The following ZBTB20 variants were observed in gnomAD, a reference collection of about 807,000 sequenced individuals.
ZBTB20 encodes the protein zinc finger and BTB domain-containing protein 20.
ZBTB20 carries 9 observed loss-of-function variants against 56.9 expected under a neutral mutation model. That is an observed-to-expected ratio of 0.16 (90% CI 0.10 to 0.28). The LOEUF is 0.28. ZBTB20 is among the 10% of genes least tolerant of loss of function. The pLI, the probability that ZBTB20 is intolerant of heterozygous loss-of-function variation, is 1.00. For synonymous variants in ZBTB20, 417 were observed against 420.7 expected, an observed-to-expected ratio of 0.99 and a Z score of 0.11; for missense variants, 655 against 1,003.0, an observed-to-expected ratio of 0.65 and a Z score of 4.69.
At chr3:114,481,724 G>C (rs941073286) in intron 7 of ZBTB20, among the ~76,000 whole-genome samples, 10 of 152,192 alleles carry the variant, frequency 6.6e-5, no homozygotes, top group African/African-American at 2.4e-4. Context: ...GACTCTTTTA[G>C]GTGAAGGACT....
At chr3:114,835,424 C>T (rs2074069867) in intron 4 of ZBTB20, among the ~76,000 whole-genome samples, 1 of 151,806 alleles carries the variant, frequency 6.6e-6, no homozygotes, top group Non-Finnish European at 1.5e-5. Context: ...AATCTGTTTT[C>T]ATATTGTGTA....
At chr3:114,831,159 C>T (rs9837278) in intron 4 of ZBTB20, among the ~76,000 whole-genome samples, 87,995 of 140,950 alleles carry the variant, frequency 0.62, 30,123 homozygotes, top group East Asian at 0.96. Context: ...TGGGTTTATC[C>T]GCTATTTACA....
intron 1 of ZBTB20, among the ~76,000 whole-genome samples, chr3:115,077,318 G>T (rs1560552270): frequency 6.6e-6 from 1 of 152,162 alleles, no homozygotes; most frequent in African/African-American, 2.4e-5. Flanking sequence ...AAGAAGCAGG[G>T]CTTTTAGGAG....
chr3:114,728,335 T>C (rs2065460700), intron 5 of ZBTB20, among the ~76,000 whole-genome samples: 1 of 152,192 alleles, frequency 6.6e-6, no homozygotes, highest in South Asian at 2.1e-4. Flanking sequence ...GTATTAATAG[T>C]ATACCCATTA....
intron 3 of ZBTB20, among the ~76,000 whole-genome samples, chr3:114,913,083 T>C (rs562702190): frequency 6.6e-6 from 1 of 152,042 alleles, no homozygotes; most frequent in Non-Finnish European, 1.5e-5. Context: ...ATTTCCTTTG[T>C]TTTGGGTATA....
chr3:114,453,635 T>C (rs2109050015), intron 7 of ZBTB20: 1 of 152,144 alleles, frequency 6.6e-6, no homozygotes, highest in South Asian at 2.1e-4. Context: ...CTGAACAACT[T>C]TTATTGTGAG....
At chr3:114,376,457 T>C (rs1315748838) in intron 10 of ZBTB20, among the ~76,000 whole-genome samples, 1 of 152,214 alleles carries the variant, frequency 6.6e-6, no homozygotes, top group Non-Finnish European at 1.5e-5. Context: ...ATCTTCTGTT[T>C]TGTTCTCTAA....
intron 5 of ZBTB20, among the ~76,000 whole-genome samples, chr3:114,771,372 T>A (rs2069184149): frequency 6.6e-6 from 1 of 152,172 alleles, no homozygotes; most frequent in South Asian, 2.1e-4. Flanking sequence ...AAAAACTGAC[T>A]TACAAATTTA....
chr3:115,017,439 A>C (rs774166400), intron 2 of ZBTB20, among the ~76,000 whole-genome samples: 13 of 151,654 alleles, frequency 8.6e-5, no homozygotes, highest in Non-Finnish European at 1.8e-4. Flanking sequence ...TTCATATCAC[A>C]AAAATGACCA....
intron 7 of ZBTB20, among the ~76,000 whole-genome samples, chr3:114,494,270 G>C (rs906469141): frequency 6.6e-6 from 1 of 152,030 alleles, no homozygotes; most frequent in Non-Finnish European, 1.5e-5. Flanking sequence ...GTTCCCCCAG[G>C]TTCTGATTCT....
intron 1 of ZBTB20, among the ~76,000 whole-genome samples, chr3:115,101,243 C>T (rs2083572866): frequency 6.6e-6 from 1 of 152,258 alleles, no homozygotes; most frequent in Admixed American, 6.5e-5. Flanking sequence ...AGCAGTTACC[C>T]TTAATCTTTT....
intron 6 of ZBTB20, among the ~76,000 whole-genome samples, chr3:114,665,515 C>G (rs2060997685): frequency 6.6e-6 from 1 of 151,898 alleles, no homozygotes; most frequent in African/African-American, 2.4e-5. Flanking sequence ...AGGCTATGAG[C>G]TCTTTCAGGC....
Position 114,540,194 on chromosome 3 carries a change from G to C in ZBTB20, c.-294-39803C>G, listed in dbSNP as rs1280891161. Among the ~76,000 whole-genome samples, 3 of 151,864 alleles carry C rather than the reference G, an allele frequency of 2.0e-5. No homozygotes were observed. The East Asian group carries it at 5.8e-4, about 29-fold the overall frequency. Reference sequence around the variant, plus strand: ...TTTTCTGTGGTTTTCTTTGGTTGCTGTGTTAGTTTGCAAAGGATAATATTA... The same window carrying C: ...TTTTCTGTGGTTTTCTTTGGTTGCTCTGTTAGTTTGCAAAGGATAATATTA... On this transcript the variant is annotated intron_variant, in intron 6 of 11. Coordinates refer to ENST00000675478, the MANE Select transcript of ZBTB20 (RefSeq NM_001348800.3).
chr3:114,631,477 C>T (rs1266611300), intron 6 of ZBTB20, among the ~76,000 whole-genome samples: 1 of 137,094 alleles, frequency 7.3e-6, no homozygotes, highest in Middle Eastern at 3.9e-3. Flanking sequence ...ACTGCAACCT[C>T]TGCCTTCCGG....
At chr3:115,026,903 C>T (rs573479554) in intron 2 of ZBTB20, among the ~76,000 whole-genome samples, 93 of 150,548 alleles carry the variant, frequency 6.2e-4, no homozygotes, top group Non-Finnish European at 1.1e-3. Flanking sequence ...GGCATTTCTT[C>T]CCAGGTGTAA....
intron 6 of ZBTB20, among the ~76,000 whole-genome samples, chr3:114,601,559 A>G (rs990914914): frequency 2.0e-5 from 3 of 152,016 alleles, no homozygotes; most frequent in Non-Finnish European, 4.4e-5. Flanking sequence ...TATCTCAGAA[A>G]AGGGCAAATA....
intron 6 of ZBTB20, among the ~76,000 whole-genome samples, chr3:114,526,448 T>C (rs891939888): frequency 6.6e-6 from 1 of 152,172 alleles, no homozygotes; most frequent in African/African-American, 2.4e-5. Context: ...TGAGGTCTTT[T>C]GGACGGGGAA....
intron 6 of ZBTB20, among the ~76,000 whole-genome samples, chr3:114,625,784 A>C (rs534833764): frequency 6.6e-6 from 1 of 152,296 alleles, no homozygotes; most frequent in Non-Finnish European, 1.5e-5. Context: ...CTCCCTCTGC[A>C]GTAGTACTGT....
rs148883223 is a variant in ZBTB20 at position 114,506,390 on chromosome 3, A to T, written c.-294-5999T>A. The stretch of plus-strand genomic sequence containing the variant: ...ACAATGTAACACTCCATCCCACCCC[A>T]TATGAATCTCCCTGTTCCTTCTTGA... On this transcript the variant is annotated intron_variant, in intron 6 of 11. Coordinates refer to ENST00000675478, the MANE Select transcript of ZBTB20 (RefSeq NM_001348800.3). Among the ~76,000 whole-genome samples the T allele has an allele frequency of 4.0e-4, 61 of 152,206 alleles. No homozygotes were observed. The East Asian group carries it at 0.011, about 28-fold the overall frequency.
Sources: gnomAD v4.1 joint callset for allele counts (sites outside exome capture counted in the v4.1 genomes callset) on GRCh38, gnomAD v4.1.1 for gene constraint, MANE v1.5 for transcripts, NCBI Gene and HGNC (gene_info 2026-07-23, HGNC 2026-07-21) for gene names.